ZNF253: variants seen among roughly 807,000 people sequenced by gnomAD.
The protein encoded by ZNF253 is DNA-binding protein.
A neutral mutation model predicts 11.9 loss-of-function variants in ZNF253; 8 were observed. The ratio of observed to expected loss-of-function variants is 0.67; its 90% confidence interval spans 0.40 to 1.22. The LOEUF (loss-of-function observed/expected upper bound fraction) is 1.22, where lower values mean the gene tolerates loss of function less well. Among genes scored for constraint, ZNF253 ranks in the 50% most tolerant of loss-of-function variants. The pLI is 0.01. For synonymous variants in ZNF253, 194 were observed against 194.9 expected, an observed-to-expected ratio of 1.00 and a Z score of 0.04; for missense variants, 485 against 586.9, an observed-to-expected ratio of 0.83 and a Z score of 1.79.
Position 19,871,557 on chromosome 19 carries a change from GCTGCTAAACTA to G in ZNF253, c.3+5560_3+5570del, listed in dbSNP as rs2063134015. On this transcript the variant is annotated intron_variant, in intron 1 of 3. Transcript: ENST00000589717. The stretch of plus-strand genomic sequence containing the variant: ...GCCTTCAGCAGACACCTGGCTTCAA[GCTGCTAAACTA>G]CATCCTGTTATGAAGATGTGAAAAG... Among the ~76,000 whole-genome samples, 5 of 152,332 alleles carry G rather than the reference GCTGCTAAACTA, an allele frequency of 3.3e-5. 1 individual carries two copies. Among genetic ancestry groups the G allele is most frequent in the African/African-American group, 1.2e-4 (5 of 41,558 alleles).
At chr19:19,871,100 T>A (rs1313737038) in intron 1 of ZNF253, 2 of 152,220 alleles carry the variant, frequency 1.3e-5, no homozygotes, top group African/African-American at 4.8e-5. Flanking sequence ...CCAAATGAGG[T>A]GGACTCTCAC....
chr19:19,868,696 T>C (rs1473417148), intron 1 of ZNF253, among the ~76,000 whole-genome samples: 3 of 152,040 alleles, frequency 2.0e-5, no homozygotes, highest in Non-Finnish European at 2.9e-5. Context: ...ATTGGGGGGC[T>C]AGGGGAGGGA....
chr19:19,871,635 C>T (rs2063134263), intron 1 of ZNF253, among the ~76,000 whole-genome samples: 1 of 152,156 alleles, frequency 6.6e-6, no homozygotes, highest in African/African-American at 2.4e-5. Flanking sequence ...CAGATGGCCT[C>T]TTCAATCTCC....
intron 3 of ZNF253, among the ~76,000 whole-genome samples, chr19:19,882,504 G>A (rs2063182014): frequency 6.6e-6 from 1 of 152,050 alleles, no homozygotes; most frequent in Non-Finnish European, 1.5e-5. Context: ...ACAGGTTCAA[G>A]CAGTTCTCAT....
intron 3 of ZNF253, among the ~76,000 whole-genome samples, chr19:19,888,408 T>C (rs1423802163): frequency 6.7e-6 from 1 of 149,312 alleles, no homozygotes; most frequent in East Asian, 1.9e-4. Context: ...CTTTGTCTCT[T>C]TTTCTCTTTC....
At chr19:19,890,697 ATT>A (rs2063225191) in intron 3 of ZNF253, among the ~76,000 whole-genome samples, 1 of 151,608 alleles carries the variant, frequency 6.6e-6, no homozygotes, top group Non-Finnish European at 1.5e-5. Flanking sequence ...AATTTTCTGT[ATT>A]TTTAGTTGAG....
chr19:19,891,571 C>A lies in ZNF253; in HGVS notation c.324C>A (p.Asp108Glu). ...MLRRYEECRH[D>E]NLQLKKGCKS... is the part of the protein sequence containing the mutation. Reference sequence around the variant, plus strand: ...GAAGATATGAAGAATGCAGACATGACAATTTACAGTTAAAAAAAGGCTGTA... The same window carrying A: ...GAAGATATGAAGAATGCAGACATGAAAATTTACAGTTAAAAAAAGGCTGTA... Residue 108 changes from aspartate (D) to glutamate (E), a missense_variant, in exon 4 of 4, where the codon GAC becomes GAA. Physicochemically the swap from Asp to Glu is conservative, Grantham distance 45 (BLOSUM62 2). Coordinates refer to ENST00000589717, the MANE Select transcript of ZNF253 (RefSeq NM_021047.3). 1 of 1,613,926 alleles carries A rather than the reference C, an allele frequency of 6.2e-7. No individual in the cohort carries two copies. The highest frequency in any genetic ancestry group is 8.5e-7 in the Non-Finnish European group (1 of 1,179,972).
At chr19:19,865,856 G>A (rs946470061), upstream of ZNF253, 6 of 1,140,708 alleles carry the variant, frequency 5.3e-6, no homozygotes, top group African/African-American at 7.6e-5. Flanking sequence ...GGGGGCCTTT[G>A]TTTCTCGCTG....
chr19:19,874,258 C>T (rs772771144), intron 1 of ZNF253, among the ~76,000 whole-genome samples: 3 of 152,006 alleles, frequency 2.0e-5, no homozygotes, highest in Non-Finnish European at 1.5e-5. Context: ...TGGTGCAGTG[C>T]CTCACACCTG....
chr19:19,878,337 TG>T, intron 1 of ZNF253, 143 bp from the exon 2 acceptor site: 1 of 1,389,198 alleles, frequency 7.2e-7, no homozygotes, highest in Non-Finnish European at 9.8e-7. Flanking sequence ...AGAATATTTT[TG>T]GGTTGAAAAA....
At chr19:19,885,916 G>T (rs2063204876) in intron 3 of ZNF253, among the ~76,000 whole-genome samples, 1 of 152,128 alleles carries the variant, frequency 6.6e-6, no homozygotes, top group Non-Finnish European at 1.5e-5. Context: ...TTTGCCATTT[G>T]ACTTTTGCTT....
intron 3 of ZNF253, among the ~76,000 whole-genome samples, chr19:19,888,163 A>C (rs985738884): frequency 2.6e-5 from 4 of 151,948 alleles, no homozygotes; most frequent in African/African-American, 4.8e-5. Flanking sequence ...TCTAAGGTTC[A>C]AGTAATTCTC....
rs1256359094 is a variant in ZNF253, at chr19:19,891,616, G to A, written c.369G>A (p.Lys123=). Residue 123 remains lysine, a synonymous_variant, in exon 4 of 4, where the codon AAG becomes AAA. Transcript: ENST00000589717. The part of the protein sequence containing the change: ...KKGCKSVGEH[K]VHKGGYNGLN... The stretch of plus-strand genomic sequence containing the variant: ...GCTGTAAAAGCGTGGGTGAGCATAA[G>A]GTGCACAAAGGAGGTTATAATGGAC... 10 of 1,613,948 alleles carry A rather than the reference G, an allele frequency of 6.2e-6. No individual in the cohort carries two copies. Among genetic ancestry groups the A allele is most frequent in the Admixed American group, 1.7e-5 (1 of 59,986 alleles).
chr19:19,872,577 A>ATATATATATATATATATATAT (rs1555777035), intron 1 of ZNF253, among the ~76,000 whole-genome samples: 7 of 106,784 alleles, frequency 6.6e-5, no homozygotes, highest in African/African-American at 3.4e-4. Flanking sequence ...ATATATATAT[A>ATATATATATATATATATATAT]TATTATTATA....
Position 19,892,800 on chromosome 19 carries a change from C to T in ZNF253, c.*53C>T. On this transcript the variant is annotated 3_prime_UTR_variant, in exon 4 of 4. Coordinates refer to ENST00000589717, the MANE Select transcript of ZNF253 (RefSeq NM_021047.3). ...GTGATGAATGTGGGAAAGCCTTTAA[C>T]CAGCCCTCGACTCTTAGTAAATTTG... 6.7e-7 allele frequency: 1 copy of T among 1,489,270 alleles called. No individual in the cohort carries two copies. Among genetic ancestry groups the T allele is most frequent in the Non-Finnish European group, 9.1e-7 (1 of 1,102,936 alleles). The allele number at this position is 1,489,270 out of a possible 1,614,324, so 92.3% of individuals were successfully genotyped here.
chr19:19,880,134 GC>G lies in ZNF253; in HGVS notation c.216del (p.Lys73AsnfsTer5). ...PLTMERHEMI[A>X]KPPVMSSHFA... ...AACTATGGAAAGACATGAGATGATTGCCAAACCCCCAGGTAGGTACGAGTGA... is the reference window on the plus strand; with the variant it reads ...AACTATGGAAAGACATGAGATGATTGCAAACCCCCAGGTAGGTACGAGTGA... On this transcript the variant is annotated frameshift_variant, in exon 3 of 4. Transcript: ENST00000589717. LOFTEE classifies it low-confidence loss of function (END_TRUNC). The G allele has an allele frequency of 6.2e-7, 1 of 1,606,174 alleles. No homozygotes were observed. The highest frequency in any genetic ancestry group is 8.5e-7 in the Non-Finnish European group (1 of 1,176,426).
intron 3 of ZNF253, among the ~76,000 whole-genome samples, chr19:19,890,318 C>T (rs2063223163): frequency 6.6e-6 from 1 of 152,142 alleles, no homozygotes; most frequent in African/African-American, 2.4e-5. Flanking sequence ...GCTTCTGTAA[C>T]ATTTACCTTT....
chr19:19,883,460 A>G (rs191492162), intron 3 of ZNF253, among the ~76,000 whole-genome samples: 77 of 152,156 alleles, frequency 5.1e-4, no homozygotes, highest in African/African-American at 1.4e-3. Flanking sequence ...AAAAAATTTA[A>G]TAATAGCCAA....
chr19:19,878,705 G>C (rs2063165653), intron 2 of ZNF253, 98 bp downstream of exon 2: 1 of 1,416,432 alleles, frequency 7.1e-7, no homozygotes, highest in East Asian at 2.5e-5. Flanking sequence ...TTGCAAAGTG[G>C]TAGAATTACA....
Sources: allele counts gnomAD v4.1 joint callset (sites outside exome capture counted in the v4.1 genomes callset), GRCh38; gene constraint gnomAD v4.1.1; transcripts MANE v1.5; gene names NCBI Gene and HGNC (gene_info 2026-07-23, HGNC 2026-07-21).